PPP2R2C: variants seen among roughly 807,000 people sequenced by gnomAD.
The protein encoded by PPP2R2C is protein phosphatase 2 regulatory subunit Bgamma.
A neutral mutation model predicts 45.3 loss-of-function variants in PPP2R2C; 10 were observed. The observed-to-expected ratio is 0.22, with a 90% CI of 0.14 to 0.37. The LOEUF is 0.37. Ranked by LOEUF, PPP2R2C falls within the 10% of genes least tolerant of loss-of-function variation. The probability of loss-of-function intolerance (pLI) is 1.00; values close to 1 mark genes in which losing one functional copy is unlikely to be tolerated. For missense variants in PPP2R2C, 308 were observed against 619.7 expected, an observed-to-expected ratio of 0.50 and a Z score of 5.34; for synonymous variants, 257 against 245.4, an observed-to-expected ratio of 1.05 and a Z score of -0.44.
rs563117343 is a variant in PPP2R2C at position 6,401,832 on chromosome 4, AG to A, written c.71-20739del. Among the ~76,000 whole-genome samples, 17 of 152,040 alleles carry A rather than the reference AG, an allele frequency of 1.1e-4. No homozygotes were observed. The South Asian group carries it at 2.3e-3, about 21-fold the overall frequency. ...CTCAAAGGGCAGAATCTGGTGGGAG[AG>A]GGGGGGTATCTGCCATGGAAGCTAC... On this transcript the variant is annotated intron_variant, in intron 1 of 8. Coordinates refer to ENST00000382599, the MANE Select transcript of PPP2R2C (RefSeq NM_020416.4).
intron 1 of PPP2R2C, among the ~76,000 whole-genome samples, chr4:6,470,990 T>C (rs1447677454): frequency 2.6e-5 from 4 of 151,662 alleles, no homozygotes; most frequent in African/African-American, 9.7e-5. Flanking sequence ...TCCCCGGGCC[T>C]CCGCGGGGCT....
chr4:6,457,233 C>T (rs900463405), intron 1 of PPP2R2C, among the ~76,000 whole-genome samples: 16 of 119,818 alleles, frequency 1.3e-4, no homozygotes, highest in African/African-American at 4.4e-4. Flanking sequence ...AAAAATAGAG[C>T]ATGAAAGCTA....
At chr4:6,420,518 C>G (rs898970601) in intron 1 of PPP2R2C, among the ~76,000 whole-genome samples, 2 of 152,162 alleles carry the variant, frequency 1.3e-5, no homozygotes, top group Non-Finnish European at 2.9e-5. Context: ...GCAGCTCCCC[C>G]AGCTATGTCC....
intron 1 of PPP2R2C, among the ~76,000 whole-genome samples, chr4:6,543,475 C>A (rs889508967): frequency 1.3e-5 from 2 of 152,150 alleles, no homozygotes; most frequent in African/African-American, 4.8e-5. Flanking sequence ...GTAATCCCAG[C>A]ACTTTGGGAG....
chr4:6,380,897 C>G, intron 2 of PPP2R2C, 100 bp downstream of exon 2: 5 of 1,429,982 alleles, frequency 3.5e-6, no homozygotes, highest in Non-Finnish European at 2.8e-6. Context: ...ACCGCATCAC[C>G]CCTTATCCCC....
chr4:6,543,538 T>A (rs922001062), intron 1 of PPP2R2C, among the ~76,000 whole-genome samples: 11 of 152,170 alleles, frequency 7.2e-5, no homozygotes, highest in African/African-American at 2.7e-4. Flanking sequence ...CTGACCAACC[T>A]GGCCAAACCC....
chr4:6,488,804 C>T (rs1434253372), intron 2 of PPP2R2C, among the ~76,000 whole-genome samples: 3 of 152,234 alleles, frequency 2.0e-5, no homozygotes, highest in African/African-American at 7.2e-5. Context: ...GCAAGACTTT[C>T]CTGAGTTGTC....
At chr4:6,380,973 C>G in intron 2 of PPP2R2C, 24 bp downstream of exon 2, 1 of 1,484,658 alleles carries the variant, frequency 6.7e-7, no homozygotes, top group Non-Finnish European at 9.0e-7. Flanking sequence ...CCTCCCACCT[C>G]CCACCAGACC....
rs1293927696 is a variant in PPP2R2C, at chr4:6,329,621, C to T, written c.961-268G>A. On this transcript the variant is annotated intron_variant, in intron 7 of 8. Transcript: ENST00000382599. The surrounding 1 kb of genome is among the most constrained non-coding windows in gnomAD (Gnocchi z 5.8). ...GCTCATCTTATCGGGGGGCCCACGA[C>T]CAGGCACACGGCTGACCTCCACCGT... Among the ~76,000 whole-genome samples, 1 of 132,490 alleles carries T rather than the reference C, an allele frequency of 7.5e-6. No homozygotes were observed. Among genetic ancestry groups the T allele is most frequent in the East Asian group, 2.0e-4 (1 of 5,128 alleles). The allele number at this position is 132,490 out of a possible 152,430, so 86.9% of individuals were successfully genotyped here. A position where few individuals can be genotyped will look rare whatever the true frequency, so the allele number is the denominator to read the frequency against.
intron 1 of PPP2R2C, among the ~76,000 whole-genome samples, chr4:6,397,625 A>G (rs1242473391): frequency 8.8e-6 from 1 of 113,002 alleles, no homozygotes; most frequent in Non-Finnish European, 2.0e-5. Flanking sequence ...AGGGCAGTGC[A>G]GCCTGCCTAG....
At chr4:6,342,221 T>A (rs1284218290) in intron 6 of PPP2R2C, among the ~76,000 whole-genome samples, 1 of 150,930 alleles carries the variant, frequency 6.6e-6, no homozygotes, top group Non-Finnish European at 1.5e-5. Context: ...TCTCTTCAAA[T>A]GTTCATCAGC....
Position 6,345,305 on chromosome 4 carries a change from G to A in PPP2R2C, c.790+2541C>T, listed in dbSNP as rs1711742027. Among the ~76,000 whole-genome samples the A allele has an allele frequency of 6.6e-6, 1 of 152,182 alleles. No individual in the cohort carries two copies. Among genetic ancestry groups the A allele is most frequent in the South Asian group, 2.1e-4 (1 of 4,832 alleles). The stretch of plus-strand genomic sequence containing the variant: ...TGTGGCCTGAGTGAATGGGCGGGAG[G>A]CGTAGGTGGGGGGGCAGTGTCCTGT... On this transcript the variant is annotated intron_variant, in intron 6 of 8. Coordinates refer to ENST00000382599, the MANE Select transcript of PPP2R2C (RefSeq NM_020416.4). This position sits in a 1 kb window ranked among gnomAD's most constrained non-coding sequence, Gnocchi z 5.3.
In PPP2R2C at chr4:6,328,613, C is replaced by T. The variant is rs541923659; in HGVS notation, c.1052+649G>A. On this transcript the variant is annotated intron_variant, in intron 8 of 8. Transcript: ENST00000382599. The surrounding 1 kb of genome is among the most constrained non-coding windows in gnomAD (Gnocchi z 4.4). ...CAGGTCAGGAGCCCCTGCCACAGCC[C>T]CCTTGTCCATGCCCGCCCTGGGCTG... 3.9e-5 allele frequency among the ~76,000 whole-genome samples: 6 copies of T among 152,320 alleles called. No individual in the cohort carries two copies. Among genetic ancestry groups the T allele is most frequent in the Admixed American group, 2.0e-4 (3 of 15,302 alleles).
At chr4:6,340,714 C>T (rs1733380009) in intron 6 of PPP2R2C, among the ~76,000 whole-genome samples, 1 of 152,272 alleles carries the variant, frequency 6.6e-6, no homozygotes, top group Non-Finnish European at 1.5e-5. Context: ...TTATTCCCCA[C>T]TGGGCAGCCA....
chr4:6,516,893 C>T (rs898569779), intron 2 of PPP2R2C, among the ~76,000 whole-genome samples: 1 of 152,160 alleles, frequency 6.6e-6, no homozygotes, highest in Non-Finnish European at 1.5e-5. Context: ...CCTCCCACTG[C>T]GAAATCACTC....
intron 5 of PPP2R2C, among the ~76,000 whole-genome samples, chr4:6,365,135 C>G (rs1010496575): frequency 1.3e-5 from 2 of 152,170 alleles, no homozygotes; most frequent in African/African-American, 4.8e-5. Flanking sequence ...TGGCAGAGAC[C>G]CTGTCTGCTT....
intron 1 of PPP2R2C, among the ~76,000 whole-genome samples, chr4:6,553,029 C>G (rs1362111416): frequency 6.6e-6 from 1 of 152,142 alleles, no homozygotes; most frequent in East Asian, 1.9e-4. Flanking sequence ...CAGGAAGTGA[C>G]CAAGGAAGCA....
intron 1 of PPP2R2C, among the ~76,000 whole-genome samples, chr4:6,439,771 C>T (rs1055636061): frequency 6.6e-6 from 1 of 152,182 alleles, no homozygotes; most frequent in African/African-American, 2.4e-5. Flanking sequence ...AGCATCAAGT[C>T]CAAGTGCCTG....
intron 1 of PPP2R2C, among the ~76,000 whole-genome samples, chr4:6,413,205 G>T (rs1718302655): frequency 6.6e-6 from 1 of 151,360 alleles, no homozygotes; most frequent in Non-Finnish European, 1.5e-5. Flanking sequence ...ACGCCAATGT[G>T]CTCGGACATA....
Sources: gnomAD v4.1 joint callset for allele counts (sites outside exome capture counted in the v4.1 genomes callset) on GRCh38, gnomAD v4.1.1 for gene constraint, Gnocchi (gnomAD v3.1) non-coding constraint, MANE v1.5 for transcripts, NCBI Gene and HGNC (gene_info 2026-07-23, HGNC 2026-07-21) for gene names.